KCNJ6: variants seen among roughly 807,000 people sequenced by gnomAD.
KCNJ6 encodes the protein potassium inwardly rectifying channel subfamily J member 6, also known as G protein-activated inward rectifier potassium channel 2.
Under a neutral mutation model 34.2 loss-of-function variants are expected in KCNJ6, and 9 were observed. That is an observed-to-expected ratio of 0.26 (90% CI 0.16 to 0.46). The LOEUF (loss-of-function observed/expected upper bound fraction) is 0.46. Among genes scored for constraint, KCNJ6 ranks in the 20% least tolerant of loss-of-function variants. The pLI is 1.00. For missense variants in KCNJ6, 236 were observed against 531.3 expected (o/e 0.44, Z 5.46); for synonymous variants, 196 against 207.1 (o/e 0.95, Z 0.46).
rs79289001 is a variant in KCNJ6 at position 37,758,214 on chromosome 21, C to A, written c.26-43083G>T. ...GAGTCACCACGGAGGTGGGTGTCTG[C>A]AGATGTCTGTGAGGCTGATGGTGTG... On this transcript the variant is annotated intron_variant, in intron 2 of 3. Transcript: ENST00000609713. Among the ~76,000 whole-genome samples, 151 of 151,916 alleles carry A rather than the reference C, an allele frequency of 9.9e-4. 1 individual carries two copies. Among genetic ancestry groups the A allele is most frequent in the African/African-American group, 3.6e-3 (147 of 41,216 alleles).
intron 2 of KCNJ6, among the ~76,000 whole-genome samples, chr21:37,783,951 C>A (rs2055181552): frequency 6.6e-6 from 1 of 152,216 alleles, no homozygotes. Context: ...GAAGAGACTG[C>A]ACACCAAAAA....
chr21:37,709,518 AAAAAG>A (rs60819007), intron 3 of KCNJ6, among the ~76,000 whole-genome samples: 1,517 of 145,790 alleles, frequency 0.01, 25 homozygotes, highest in East Asian at 0.032. Flanking sequence ...CTGTCTCAAA[AAAAAG>A]AAAAGAAAAG....
rs1268304265 is a variant in KCNJ6, at chr21:37,732,009, G to T, written c.26-16878C>A. ...ACAGAGGGTGATGATGGCTGAAGCT[G>T]CAAGACACACTCATCTTAGATGAGG... On this transcript the variant is annotated intron_variant, in intron 2 of 3. Transcript: ENST00000609713. 2.0e-5 allele frequency among the ~76,000 whole-genome samples: 3 copies of T among 152,328 alleles called. No individual in the cohort carries two copies. The East Asian group carries it at 5.8e-4, about 29-fold the overall frequency.
At chr21:37,846,539 C>T (rs1220624032) in intron 1 of KCNJ6, among the ~76,000 whole-genome samples, 2 of 151,930 alleles carry the variant, frequency 1.3e-5, no homozygotes, top group African/African-American at 2.4e-5. Flanking sequence ...CCAGTGAGGT[C>T]TGCATTTTCG....
chr21:37,628,799 CA>C (rs921609767), intron 3 of KCNJ6, among the ~76,000 whole-genome samples: 1 of 152,140 alleles, frequency 6.6e-6, no homozygotes, highest in Non-Finnish European at 1.5e-5. Flanking sequence ...AAAAGATAAA[CA>C]ACTCATTACA....
At chr21:37,891,170 G>A (rs2055760210) in intron 1 of KCNJ6, among the ~76,000 whole-genome samples, 1 of 152,132 alleles carries the variant, frequency 6.6e-6, no homozygotes, top group Admixed American at 6.5e-5. Context: ...TACTTTCACA[G>A]GTGGGCCTCT....
intron 3 of KCNJ6, among the ~76,000 whole-genome samples, chr21:37,650,342 G>A (rs2054427459): frequency 6.6e-6 from 1 of 152,162 alleles, no homozygotes. Context: ...CATGAGTTGT[G>A]ACAAGCTCCA....
chr21:37,772,844 A>G (rs1026183221), intron 2 of KCNJ6, among the ~76,000 whole-genome samples: 1 of 152,210 alleles, frequency 6.6e-6, no homozygotes, highest in Non-Finnish European at 1.5e-5. Context: ...GAGACTTGCC[A>G]TGATTTCTTT....
chr21:37,801,664 G>T (rs920416476), intron 2 of KCNJ6, among the ~76,000 whole-genome samples: 1 of 152,116 alleles, frequency 6.6e-6, no homozygotes, highest in African/African-American at 2.4e-5. Context: ...CCTCAAAGCT[G>T]CTGGAGGCTG....
chr21:37,647,826 C>T lies in KCNJ6; in HGVS notation c.947-22342G>A, dbSNP rs149211278. Among the ~76,000 whole-genome samples the T allele has an allele frequency of 9.2e-5, 14 of 152,314 alleles. No homozygotes were observed. The East Asian group carries it at 1.9e-3, about 21-fold the overall frequency. On this transcript the variant is annotated intron_variant, in intron 3 of 3. Coordinates refer to ENST00000609713, the MANE Select transcript of KCNJ6 (RefSeq NM_002240.5). ...TCTGCCCCCCAATGACATGGTGTGG[C>T]CCCGACTTTGGGAACTGTGAGTAAC... is the stretch of plus-strand genomic sequence containing the variant.
chr21:37,634,299 C>CCT (rs1569433918), intron 3 of KCNJ6, among the ~76,000 whole-genome samples: 1 of 147,294 alleles, frequency 6.8e-6, no homozygotes, highest in East Asian at 2.1e-4. Context: ...ACCTCCATCC[C>CCT]CTCTCTCTCT....
chr21:37,658,165 G>A (rs1306979773), intron 3 of KCNJ6, among the ~76,000 whole-genome samples: 1 of 152,214 alleles, frequency 6.6e-6, no homozygotes, highest in Non-Finnish European at 1.5e-5. Flanking sequence ...CAGTGGTCAC[G>A]ACTCAGACAT....
intron 2 of KCNJ6, among the ~76,000 whole-genome samples, chr21:37,784,956 G>A (rs2055186124): frequency 6.6e-6 from 1 of 152,182 alleles, no homozygotes; most frequent in African/African-American, 2.4e-5. Context: ...AGCACAATTT[G>A]GAGAATGTCA....
rs998097056 is a variant in KCNJ6, at chr21:37,819,502, GA to G, written c.25+21155del. On this transcript the variant is annotated intron_variant, in intron 2 of 3. Transcript: ENST00000609713. ...TCTGAAAGGACATTATGTATTTAAG[GA>G]AAAAAAAAACTTCCCAGAACCTTAT... is the stretch of plus-strand genomic sequence containing the variant. Among the ~76,000 whole-genome samples, 34 of 148,524 alleles carry G rather than the reference GA, an allele frequency of 2.3e-4. 1 individual carries two copies. Among genetic ancestry groups the G allele is most frequent in the Admixed American group, 1.5e-3 (22 of 14,938 alleles).
chr21:37,648,209 T>TGCCCCTGAGGGCATAGGCTGC lies in KCNJ6; in HGVS notation c.947-22746_947-22726dup, dbSNP rs1323761200. ...GAGGAATCTACAGGGGAGGAGGCTG[T>TGCCCCTGAGGGCATAGGCTGC]GCCCCTGAGGGCATAGGCTGCAATC... On this transcript the variant is annotated intron_variant, in intron 3 of 3. Transcript: ENST00000609713. Among the ~76,000 whole-genome samples the TGCCCCTGAGGGCATAGGCTGC allele has an allele frequency of 5.3e-5, 8 of 152,294 alleles. No homozygotes were observed. In the East Asian group the frequency reaches 1.4e-3, roughly 26 times the overall value.
At chr21:37,665,444 C>T (rs1257664229) in intron 3 of KCNJ6, among the ~76,000 whole-genome samples, 5 of 152,124 alleles carry the variant, frequency 3.3e-5, no homozygotes, top group African/African-American at 1.2e-4. Flanking sequence ...AGGATGTGGA[C>T]GAACCTCATG....
At position 37,841,134 on chromosome 21, in the gene KCNJ6, T is replaced by G. The variant is rs2055478705; in HGVS notation, c.-27-425A>C. 4.6e-5 allele frequency among the ~76,000 whole-genome samples: 7 copies of G among 152,198 alleles called. No homozygotes were observed. The South Asian group carries it at 1.0e-3, about 22-fold the overall frequency. ...CCTCTTTCCAAAAAACTAAATAGAT[T>G]TTATACATATTTCTTTGTCTTAGTT... On this transcript the variant is annotated intron_variant, in intron 1 of 3. Coordinates refer to ENST00000609713, the MANE Select transcript of KCNJ6 (RefSeq NM_002240.5).
At chr21:37,867,604 A>G (rs2055629522) in intron 1 of KCNJ6, among the ~76,000 whole-genome samples, 1 of 152,186 alleles carries the variant, frequency 6.6e-6, no homozygotes, top group South Asian at 2.1e-4. Flanking sequence ...AAAAACAACA[A>G]TTGAAATGGG....
intron 2 of KCNJ6, among the ~76,000 whole-genome samples, chr21:37,818,282 G>C (rs2055357439): frequency 6.6e-6 from 1 of 151,582 alleles, no homozygotes; most frequent in Non-Finnish European, 1.5e-5. Context: ...CCTTCCTAAA[G>C]GGAATACCAG....
Sources: allele counts gnomAD v4.1 joint callset (sites outside exome capture counted in the v4.1 genomes callset), GRCh38; gene constraint gnomAD v4.1.1; transcripts MANE v1.5; gene names NCBI Gene and HGNC (gene_info 2026-07-23, HGNC 2026-07-21).